SGCD: variants seen among roughly 807,000 people sequenced by gnomAD.
The protein encoded by SGCD is sarcoglycan delta, also known as delta-sarcoglycan.
Under a neutral mutation model 36.6 loss-of-function variants are expected in SGCD, and 18 were observed. That is an observed-to-expected ratio of 0.49 (90% CI 0.34 to 0.73). The LOEUF (loss-of-function observed/expected upper bound fraction) is 0.73. Among genes scored for constraint, SGCD ranks in the 30% least tolerant of loss-of-function variants. The pLI is 0.01. For missense variants in SGCD, 387 were observed against 346.7 expected (o/e 1.12, Z -0.92); for synonymous variants, 133 against 130.6 (o/e 1.02, Z -0.12).
At chr5:156,536,615 G>GT in intron 4 of SGCD, among the ~76,000 whole-genome samples, 1 of 147,770 alleles carries the variant, frequency 6.8e-6, no homozygotes. Flanking sequence ...TTGTTTGTTT[G>GT]TTTTTTGGCA....
At chr5:156,563,954 G>T (rs1047175336) in intron 4 of SGCD, among the ~76,000 whole-genome samples, 8 of 152,226 alleles carry the variant, frequency 5.3e-5, no homozygotes, top group Non-Finnish European at 1.2e-4. Flanking sequence ...AGAGAGATTT[G>T]CCATACTTAA....
intron 3 of SGCD, among the ~76,000 whole-genome samples, chr5:156,277,464 G>A (rs374927351): frequency 6.6e-6 from 1 of 152,262 alleles, no homozygotes; most frequent in South Asian, 2.1e-4. Context: ...GAGGGTTGTG[G>A]GCTCACAGAG....
chr5:156,759,467 A>G lies in SGCD; in HGVS notation c.*77A>G. 1 of 1,012,608 alleles carries G rather than the reference A, an allele frequency of 9.9e-7. No homozygotes were observed. Among genetic ancestry groups the G allele is most frequent in the Non-Finnish European group, 1.5e-6 (1 of 685,072 alleles). The allele number at this position is 1,012,608 out of a possible 1,614,324, so 62.7% of individuals were successfully genotyped here. ...TAGACACTGGCTGCCAGCTATTTTT[A>G]CTAGAACACAGAAAGCCTATCAAAG... On this transcript the variant is annotated 3_prime_UTR_variant, in exon 9 of 9. Transcript: ENST00000337851.
chr5:155,732,445 C>G, the SGCD span, among the ~76,000 whole-genome samples: 1 of 152,130 alleles, frequency 6.6e-6, no homozygotes, highest in Non-Finnish European at 1.5e-5. Flanking sequence ...AGCCAAAAGT[C>G]CTTGGAGATC....
At chr5:156,021,764 G>A (rs1344980833) in intron 1 of SGCD, among the ~76,000 whole-genome samples, 1 of 152,118 alleles carries the variant, frequency 6.6e-6, no homozygotes. Context: ...CATATCTCAG[G>A]AGCCAGAGGA....
At position 156,344,697 on chromosome 5, in the gene SGCD, T is replaced by A; in HGVS notation, c.192+20T>A. ...ACAATTGTAAGTAAAACCATCTAGG[T>A]TTGTTTAGCTTTCTTCCGGGAGGGG... On this transcript the variant is annotated intron_variant, in intron 3 of 8. Coordinates refer to ENST00000337851, the MANE Select transcript of SGCD (RefSeq NM_000337.6). 1.3e-6 allele frequency: 2 copies of A among 1,566,452 alleles called. No homozygotes were observed. Among genetic ancestry groups the A allele is most frequent in the Non-Finnish European group, 1.7e-6 (2 of 1,151,298 alleles).
chr5:156,365,187 T>C (rs891096249), intron 3 of SGCD, among the ~76,000 whole-genome samples: 2 of 152,210 alleles, frequency 1.3e-5, no homozygotes, highest in South Asian at 2.1e-4. Context: ...ATTAGAGATA[T>C]GCAAATAAAA....
At chr5:156,339,531 A>T (rs1056202400) in intron 2 of SGCD, among the ~76,000 whole-genome samples, 2 of 152,216 alleles carry the variant, frequency 1.3e-5, no homozygotes, top group Admixed American at 1.3e-4. Flanking sequence ...ACACTCATTC[A>T]TTCATTGAAC....
intron 3 of SGCD, among the ~76,000 whole-genome samples, chr5:156,201,433 A>G (rs1385202760): frequency 6.6e-6 from 1 of 152,150 alleles, no homozygotes; most frequent in African/African-American, 2.4e-5. Flanking sequence ...CTTCACTCCC[A>G]CTGTAGCAAT....
chr5:155,756,068 G>C, the SGCD span, among the ~76,000 whole-genome samples: 1 of 152,202 alleles, frequency 6.6e-6, no homozygotes, highest in African/African-American at 2.4e-5. Context: ...GAGTTAGCCA[G>C]ACATGGGTTC....
At chr5:156,092,438 C>A (rs1226807495) in intron 1 of SGCD, among the ~76,000 whole-genome samples, 1 of 152,280 alleles carries the variant, frequency 6.6e-6, no homozygotes, top group South Asian at 2.1e-4. Flanking sequence ...ATTGGTAAGT[C>A]ATCTACATAT....
intron 3 of SGCD, among the ~76,000 whole-genome samples, chr5:156,431,851 G>A (rs554172441): frequency 3.9e-5 from 6 of 152,238 alleles, no homozygotes; most frequent in South Asian, 4.2e-4. Context: ...GAGTAGCTGG[G>A]ATTACAGGCA....
chr5:156,148,534 T>C (rs1458938188), intron 3 of SGCD, among the ~76,000 whole-genome samples: 9 of 152,326 alleles, frequency 5.9e-5, no homozygotes, highest in Admixed American at 3.3e-4. Context: ...GTAACTGATA[T>C]ATGGTCTTTC....
intron 7 of SGCD, among the ~76,000 whole-genome samples, chr5:156,667,129 G>A (rs1248672157): frequency 6.6e-6 from 1 of 152,140 alleles, no homozygotes; most frequent in East Asian, 1.9e-4. Context: ...TGCTCAACCT[G>A]TAATGCAGGT....
intron 3 of SGCD, among the ~76,000 whole-genome samples, chr5:156,249,593 C>T (rs1242154735): frequency 6.6e-6 from 1 of 152,110 alleles, no homozygotes. Context: ...GACTTTACTT[C>T]AAGTCTTTGT....
intron 2 of SGCD, among the ~76,000 whole-genome samples, chr5:156,343,121 A>AT (rs1434947584): frequency 1.3e-5 from 2 of 152,010 alleles, no homozygotes; most frequent in African/African-American, 4.8e-5. Context: ...CCAAAAAAAA[A>AT]AATCATATTG....
chr5:156,098,376 A>G (rs1012316922), intron 1 of SGCD, among the ~76,000 whole-genome samples: 1 of 152,156 alleles, frequency 6.6e-6, no homozygotes, highest in Admixed American at 6.5e-5. Context: ...TTTCTGAGAA[A>G]TTTCTCAAAA....
At chr5:156,726,700 C>T (rs17053863) in intron 7 of SGCD, among the ~76,000 whole-genome samples, 2,096 of 152,258 alleles carry the variant, frequency 0.014, 40 homozygotes, top group African/African-American at 0.047. Context: ...GGGTTAGCCG[C>T]GCCAGGCCCA....
chr5:156,327,621 C>T (rs1418872063), intron 1 of SGCD, among the ~76,000 whole-genome samples: 1 of 152,170 alleles, frequency 6.6e-6, no homozygotes, highest in Non-Finnish European at 1.5e-5. Context: ...TGCTTCACTT[C>T]GCAAGAGTTT....
Sources: gnomAD v4.1 joint callset for allele counts (sites outside exome capture counted in the v4.1 genomes callset) on GRCh38, gnomAD v4.1.1 for gene constraint, MANE v1.5 for transcripts, NCBI Gene and HGNC (gene_info 2026-07-23, HGNC 2026-07-21) for gene names.